PPP4R3A: variants seen among roughly 807,000 people sequenced by gnomAD.
PPP4R3A encodes the protein serine/threonine-protein phosphatase 4 regulatory subunit 3A.
In PPP4R3A, 15 loss-of-function variants were observed where a neutral mutation model predicts 91.7. That is an observed-to-expected ratio of 0.16 (90% CI 0.11 to 0.25). The LOEUF is 0.25. Among genes scored for constraint, PPP4R3A ranks in the 10% least tolerant of loss-of-function variants. PPP4R3A has a pLI of 1.00. For synonymous variants in PPP4R3A, 377 were observed against 348.7 expected (o/e 1.08, Z -0.91); for missense variants, 623 against 998.4 (o/e 0.62, Z 5.07).
At chr14:91,497,056 G>A (rs1890618810) in intron 1 of PPP4R3A, among the ~76,000 whole-genome samples, 1 of 152,134 alleles carries the variant, frequency 6.6e-6, no homozygotes, top group South Asian at 2.1e-4. Flanking sequence ...TATGGATGGG[G>A]ATATAGAGCT....
intron 9 of PPP4R3A, among the ~76,000 whole-genome samples, chr14:91,472,764 T>C (rs574355177): frequency 3.3e-5 from 5 of 152,246 alleles, no homozygotes; most frequent in East Asian, 3.9e-4. Context: ...AGGGACATTT[T>C]TGTCATGAAC....
chr14:91,508,153 A>G (rs1891530968), intron 1 of PPP4R3A, among the ~76,000 whole-genome samples: 1 of 152,220 alleles, frequency 6.6e-6, no homozygotes, highest in African/African-American at 2.4e-5. Flanking sequence ...TTAAGAAGCC[A>G]ATAACTCAGG....
chr14:91,505,797 A>G (rs1303386680), intron 1 of PPP4R3A, among the ~76,000 whole-genome samples: 2 of 152,250 alleles, frequency 1.3e-5, no homozygotes, highest in Non-Finnish European at 2.9e-5. Flanking sequence ...ATGGAAAATC[A>G]GAAATACTTT....
At chr14:91,470,094 G>A (rs916368613) in intron 10 of PPP4R3A, among the ~76,000 whole-genome samples, 3 of 151,696 alleles carry the variant, frequency 2.0e-5, no homozygotes, top group African/African-American at 7.3e-5. Context: ...AAAACCAAAG[G>A]GCAAAAATTA....
chr14:91,488,590 G>A (rs1396764858), intron 2 of PPP4R3A, among the ~76,000 whole-genome samples: 1 of 152,166 alleles, frequency 6.6e-6, no homozygotes, highest in Admixed American at 6.5e-5. Flanking sequence ...ACAAATGGTA[G>A]AAGAATTTGC....
At chr14:91,504,230 AG>A (rs746765933) in intron 1 of PPP4R3A, among the ~76,000 whole-genome samples, 12 of 151,402 alleles carry the variant, frequency 7.9e-5, no homozygotes, top group Non-Finnish European at 1.6e-4. Flanking sequence ...AATCCCAGCT[AG>A]GTGGGAAGAT....
intron 1 of PPP4R3A, among the ~76,000 whole-genome samples, chr14:91,497,306 C>T (rs969394423): frequency 6.6e-6 from 1 of 151,526 alleles, no homozygotes; most frequent in African/African-American, 2.4e-5. Flanking sequence ...TCCAATGAAA[C>T]AGATGCCCTT....
rs1891684506 is a variant in PPP4R3A at position 91,509,915 on chromosome 14, G to T, written c.-268C>A. On this transcript the variant is annotated 5_prime_UTR_variant, in exon 1 of 15. Coordinates refer to ENST00000554943, the MANE Select transcript of PPP4R3A (RefSeq NM_001366432.2). ...GGCGCCCGGCAGCCCCGAGGGGGCC[G>T]CGCAGCGCTTCGTAGCCTCCCGCCC... 1 of 1,056,822 alleles carries T rather than the reference G, an allele frequency of 9.5e-7. No individual in the cohort carries two copies. Among genetic ancestry groups the T allele is most frequent in the African/African-American group, 1.7e-5 (1 of 59,196 alleles). The allele number at this position is 1,056,822 out of a possible 1,614,324, so 65.5% of individuals were successfully genotyped here.
At chr14:91,482,292 T>A in intron 3 of PPP4R3A, 99 bp from the exon 4 acceptor site, 11 of 1,303,264 alleles carry the variant, frequency 8.4e-6, no homozygotes, top group Non-Finnish European at 1.1e-5. Context: ...GTAAGAAACC[T>A]ATAATGGTCA....
intron 2 of PPP4R3A, among the ~76,000 whole-genome samples, chr14:91,487,132 C>A (rs1019700611): frequency 6.6e-6 from 1 of 151,066 alleles, no homozygotes; most frequent in Non-Finnish European, 1.5e-5. Context: ...TGCCTGTAAT[C>A]CCAGCTACAT....
chr14:91,502,250 C>T, intron 1 of PPP4R3A, among the ~76,000 whole-genome samples: 1 of 152,032 alleles, frequency 6.6e-6, no homozygotes, highest in African/African-American at 2.4e-5. Flanking sequence ...TAAGATCCCA[C>T]CTCCCCTGAA....
At chr14:91,458,901 GAAAAT>G in intron 14 of PPP4R3A, 32 bp from the exon 15 acceptor site, 1 of 1,553,758 alleles carries the variant, frequency 6.4e-7, no homozygotes, top group Non-Finnish European at 8.7e-7. Context: ...TTAAAGAACA[GAAAAT>G]AAAACATATA....
At chr14:91,480,914 A>C (rs1889516975) in intron 4 of PPP4R3A, among the ~76,000 whole-genome samples, 1 of 151,906 alleles carries the variant, frequency 6.6e-6, no homozygotes, top group African/African-American at 2.4e-5. Context: ...ATGCATCTGT[A>C]GTCTTAGCTA....
chr14:91,482,425 G>T (rs990070085), intron 3 of PPP4R3A, among the ~76,000 whole-genome samples: 1 of 152,190 alleles, frequency 6.6e-6, no homozygotes, highest in Non-Finnish European at 1.5e-5. Flanking sequence ...TATGAGGTCT[G>T]CTGGCAAGAA....
At chr14:91,467,719 G>A (rs1040619768) in intron 10 of PPP4R3A, among the ~76,000 whole-genome samples, 1 of 152,134 alleles carries the variant, frequency 6.6e-6, no homozygotes, top group Non-Finnish European at 1.5e-5. Context: ...GTTTAGAAAC[G>A]ATTGCTAGAC....
chr14:91,502,085 T>C (rs1890999641), intron 1 of PPP4R3A, among the ~76,000 whole-genome samples: 2 of 151,870 alleles, frequency 1.3e-5, no homozygotes, highest in African/African-American at 4.8e-5. Flanking sequence ...TCCTGACTTT[T>C]CGGAAAAAAA....
chr14:91,501,736 G>A (rs963652778), intron 1 of PPP4R3A, among the ~76,000 whole-genome samples: 8 of 147,894 alleles, frequency 5.4e-5, no homozygotes, highest in South Asian at 2.1e-4. Context: ...ACGGAATCTC[G>A]CTCTGTCACC....
chr14:91,464,162 A>G (rs1888330464), intron 11 of PPP4R3A, among the ~76,000 whole-genome samples: 1 of 152,148 alleles, frequency 6.6e-6, no homozygotes, highest in South Asian at 2.1e-4. Context: ...CTCTACTACA[A>G]ATACAAAAAT....
intron 1 of PPP4R3A, among the ~76,000 whole-genome samples, chr14:91,507,420 A>ATATATACTATAATTATATAC (rs1566660364): frequency 1.3e-5 from 1 of 79,790 alleles, no homozygotes; most frequent in African/African-American, 5.7e-5. Context: ...ATACTATATA[A>ATATATACTATAATTATATAC]TATATATACT....
Sources: allele counts gnomAD v4.1 joint callset (sites outside exome capture counted in the v4.1 genomes callset), GRCh38; gene constraint gnomAD v4.1.1; transcripts MANE v1.5; gene names NCBI Gene and HGNC (gene_info 2026-07-23, HGNC 2026-07-21).